Variants in PKHD1 observed in about 807,000 individuals in gnomAD.
PKHD1 encodes PKHD1 ciliary IPT domain containing fibrocystin/polyductin.
In PKHD1, 291 loss-of-function variants were observed where a neutral mutation model predicts 412.0. The ratio of observed to expected loss-of-function variants is 0.71; its 90% CI spans 0.64 to 0.78. PKHD1 has a LOEUF of 0.78. Ranked by LOEUF, PKHD1 falls within the 30% of genes least tolerant of loss-of-function variation. The pLI is 0.00. For synonymous variants in PKHD1, 1,777 were observed against 1,821.5 expected, an observed-to-expected ratio of 0.98 and a Z score of 0.62; for missense variants, 4,825 against 4,950.7, an observed-to-expected ratio of 0.97 and a Z score of 0.76.
chr6:51,953,399 G>A (rs1037467639), intron 36 of PKHD1, among the ~76,000 whole-genome samples: 1 of 151,930 alleles, frequency 6.6e-6, no homozygotes, highest in South Asian at 2.1e-4. Context: ...TGAAACTATA[G>A]GCAGAGGGTA....
At chr6:51,764,235 A>C (rs112950785) in intron 55 of PKHD1, among the ~76,000 whole-genome samples, 51,480 of 145,780 alleles carry the variant, frequency 0.35, 10,949 homozygotes, top group East Asian at 0.68. Context: ...TAAACAACCC[A>C]ATCAAAAAGT....
rs368192103 is a variant in PKHD1, at chr6:51,843,289, T to C, written c.8107+4486A>G. The stretch of plus-strand genomic sequence containing the variant: ...AAATAGAGAGTGGGGTGTCAGCAGA[T>C]GTAGCCAGTAGCCATGGCAACAGGA... On this transcript the variant is annotated intron_variant, in intron 50 of 66. Transcript: ENST00000371117. 2.0e-5 allele frequency among the ~76,000 whole-genome samples: 3 copies of C among 152,204 alleles called. No individual in the cohort carries two copies. In the East Asian group the frequency reaches 5.8e-4, roughly 29 times the overall value.
In PKHD1 at chr6:51,659,029, A is replaced by T; in HGVS notation, c.11097T>A (p.Thr3699=). 1 of 1,613,004 alleles carries T rather than the reference A, an allele frequency of 6.2e-7. No homozygotes were observed. The change falls in exon 61 of 67, where the codon ACT becomes ACA. Residue 3699 remains threonine, a synonymous_variant. Transcript: ENST00000371117. The stretch of plus-strand genomic sequence containing the variant: ...TATTCAGAACATTCTCTAGTACCCC[A>T]GTCTGTTGAGCAGTGATGACTCGAT... ...LAHRVITAQQ[T]GVLENVLNMT... is the part of the protein sequence containing the mutation.
chr6:51,855,077 T>C (rs1045243870), intron 49 of PKHD1, among the ~76,000 whole-genome samples: 3 of 152,128 alleles, frequency 2.0e-5, no homozygotes, highest in Non-Finnish European at 4.4e-5. Flanking sequence ...TTCCGACCCA[T>C]GGGTTGCACA....
chr6:51,710,222 A>T (rs1780500490), intron 60 of PKHD1, among the ~76,000 whole-genome samples: 1 of 152,146 alleles, frequency 6.6e-6, no homozygotes, highest in African/African-American at 2.4e-5. Context: ...CCAAAAAAAA[A>T]TTATTTTCAG....
At chr6:51,936,919 C>T (rs377744059) in intron 36 of PKHD1, among the ~76,000 whole-genome samples, 3 of 152,308 alleles carry the variant, frequency 2.0e-5, no homozygotes, top group East Asian at 3.9e-4. Context: ...AAAGCTGTCT[C>T]TTGTGGGGAA....
intron 6 of PKHD1, 127 bp downstream of exon 6, chr6:52,076,149 T>C: frequency 1.4e-6 from 1 of 730,126 alleles, no homozygotes; most frequent in Admixed American, 2.0e-5. Flanking sequence ...AGGTTGACTC[T>C]TATTTTCAAA....
chr6:51,865,072 C>T (rs1256458324), intron 48 of PKHD1, among the ~76,000 whole-genome samples: 2 of 152,142 alleles, frequency 1.3e-5, no homozygotes, highest in African/African-American at 4.8e-5. Flanking sequence ...ATTGGCAGAA[C>T]TAACACTACC....
intron 37 of PKHD1, among the ~76,000 whole-genome samples, chr6:51,923,713 C>A (rs1268100414): frequency 6.6e-6 from 1 of 152,136 alleles, no homozygotes; most frequent in Non-Finnish European, 1.5e-5. Flanking sequence ...GAAACCGGTT[C>A]TTTGTACCTC....
At chr6:51,694,454 G>T (rs1216295378) in intron 60 of PKHD1, among the ~76,000 whole-genome samples, 2 of 150,026 alleles carry the variant, frequency 1.3e-5, no homozygotes, top group Non-Finnish European at 3.0e-5. Flanking sequence ...CGTGATCTCG[G>T]CTCACTGCAA....
At chr6:51,918,935 T>C (rs1784256162) in intron 37 of PKHD1, among the ~76,000 whole-genome samples, 1 of 152,228 alleles carries the variant, frequency 6.6e-6, no homozygotes, top group African/African-American at 2.4e-5. Context: ...TATCTTCCTT[T>C]GAGAAGTGTC....
rs780239342 is a variant in PKHD1, at chr6:52,024,915, C to T, written c.4895G>A (p.Gly1632Asp). Residue 1632 changes from glycine to aspartate, a missense_variant, in exon 32 of 67, where the codon GGC becomes GAC. Coordinates refer to ENST00000371117, the MANE Select transcript of PKHD1 (RefSeq NM_138694.4). ...TACCTCTATTTCCAGGGCAACAGAG[C>T]CATTCCCTGTGGGAACAATGCACCG... The part of the protein sequence containing the change: ...LIRCIVPTGN[G>D]SVALEIEVDG... The T allele has an allele frequency of 6.2e-6, 10 of 1,614,032 alleles. No homozygotes were observed. In the South Asian group the frequency reaches 1.1e-4, roughly 18 times the overall value.
At chr6:51,719,869 A>G (rs536017698) in intron 60 of PKHD1, among the ~76,000 whole-genome samples, 5 of 152,262 alleles carry the variant, frequency 3.3e-5, no homozygotes, top group Admixed American at 3.3e-4. Flanking sequence ...CACCTAATAC[A>G]TTTCCTGACA....
intron 35 of PKHD1, among the ~76,000 whole-genome samples, chr6:51,978,187 C>T (rs989166022): frequency 7.2e-5 from 11 of 152,146 alleles, no homozygotes; most frequent in Admixed American, 1.3e-4. Flanking sequence ...AGAGAAACAG[C>T]CATTCCCCAC....
intron 37 of PKHD1, among the ~76,000 whole-genome samples, chr6:51,926,841 T>C (rs923504883): frequency 2.0e-5 from 3 of 152,184 alleles, no homozygotes; most frequent in Admixed American, 1.3e-4. Flanking sequence ...ACCTTATTTT[T>C]TGTTGGTGGT....
At chr6:51,859,129 A>C (rs1397588966) in intron 48 of PKHD1, among the ~76,000 whole-genome samples, 1 of 152,192 alleles carries the variant, frequency 6.6e-6, no homozygotes, top group African/African-American at 2.4e-5. Context: ...AAATAGTTTT[A>C]ACTACAAACC....
intron 29 of PKHD1, 101 bp downstream of exon 29, chr6:52,032,929 C>T (rs1389385691): frequency 2.6e-6 from 3 of 1,146,624 alleles, no homozygotes; most frequent in African/African-American, 1.5e-5. Flanking sequence ...CAAGAAAAAA[C>T]TTAAATCCAA....
chr6:51,628,647 C>T lies in PKHD1; in HGVS notation c.11666-1531G>A, dbSNP rs1165733083. On this transcript the variant is annotated intron_variant, in intron 65 of 66. Coordinates refer to ENST00000371117, the MANE Select transcript of PKHD1 (RefSeq NM_138694.4). ...TGTTTTAAGTTCTTTGAGAAATCTC[C>T]AAACTGTTTTGCATAGTGGCTGAAC... Among the ~76,000 whole-genome samples the T allele has an allele frequency of 3.9e-5, 6 of 152,238 alleles. No individual in the cohort carries two copies. The East Asian group carries it at 1.2e-3, about 29-fold the overall frequency.
rs941978744 is a variant in PKHD1, at chr6:52,056,934, T to C, written c.1558A>G (p.Asn520Asp). 2 of 1,614,014 alleles carry C rather than the reference T, an allele frequency of 1.2e-6. No individual in the cohort carries two copies. Among genetic ancestry groups the C allele is most frequent in the Non-Finnish European group, 8.5e-7 (1 of 1,179,918 alleles). ...GCAGGGATTGGCTGACTAGAGACAT[T>C]GTCCCAAGTAAGGAAGAAGTTTCCT... ...GRGNFFLTWD[N>D]VSSQPIPANA... is the part of the protein sequence containing the mutation. The change falls in exon 17 of 67, where the codon AAT (asparagine) becomes GAT (aspartate). Residue 520 changes from asparagine to aspartate, a missense_variant. By Grantham distance (23) the Asn-to-Asp change is conservative (BLOSUM62 1). Transcript: ENST00000371117.
Sources: allele counts gnomAD v4.1 joint callset (sites outside exome capture counted in the v4.1 genomes callset), GRCh38; gene constraint gnomAD v4.1.1; transcripts MANE v1.5; gene names NCBI Gene and HGNC (gene_info 2026-07-23, HGNC 2026-07-21).